PCDH11X: variants seen among roughly 807,000 people sequenced by gnomAD.
The protein encoded by PCDH11X is protocadherin 11 X-linked.
In PCDH11X, 18 loss-of-function variants were observed where a neutral mutation model predicts 53.3. The observed-to-expected ratio is 0.34, with a 90% CI of 0.23 to 0.50. The LOEUF (loss-of-function observed/expected upper bound fraction) is 0.50, where lower values mean the gene tolerates loss of function less well. Ranked by LOEUF, PCDH11X falls within the 20% of genes least tolerant of loss-of-function variation. The pLI is 0.98. For synonymous variants in PCDH11X, 279 were observed against 393.3 expected (o/e 0.71, Z 3.44); for missense variants, 570 against 1,032.4 (o/e 0.55, Z 6.14).
chrX:92,180,788 G>A (rs1320027660), intron 6 of PCDH11X, among the ~76,000 whole-genome samples: 1 of 111,558 alleles, frequency 9.0e-6, no homozygotes, highest in Non-Finnish European at 1.9e-5. Flanking sequence ...TGTAAGACAT[G>A]ACTTGCTTCT....
rs1327935781 is a variant in PCDH11X, at chrX:92,564,526, T to C, written c.3368-53738T>C. Among the ~76,000 whole-genome samples the C allele has an allele frequency of 2.8e-5, 3 of 106,451 alleles. No homozygotes were observed. The East Asian group carries it at 8.7e-4, about 31-fold the overall frequency. 92.4% of individuals were successfully genotyped at this position (106,451 alleles called of 115,157 possible). A position where few individuals can be genotyped will look rare whatever the true frequency, so the allele number is the denominator to read the frequency against. On this transcript the variant is annotated intron_variant, in intron 10 of 10. Transcript: ENST00000682573. Reference sequence around the variant, plus strand: ...AGAATATACACTGAGGAAAAGCCACTCTCTTCAAAAAATTGTGCTAGGAAA... The same window carrying C: ...AGAATATACACTGAGGAAAAGCCACCCTCTTCAAAAAATTGTGCTAGGAAA...
At chrX:92,176,803 G>T (rs1164436197) in intron 6 of PCDH11X, among the ~76,000 whole-genome samples, 2 of 111,013 alleles carry the variant, frequency 1.8e-5, no homozygotes, top group African/African-American at 6.5e-5. Context: ...CTCTACCTAG[G>T]TTTACAGCTT....
intron 6 of PCDH11X, among the ~76,000 whole-genome samples, chrX:91,932,511 C>T (rs980404976): frequency 1.1e-4 from 11 of 97,207 alleles, no homozygotes; most frequent in Non-Finnish European, 2.3e-4. Context: ...AAAGAGAGGC[C>T]GAGAGAGAGA....
intron 6 of PCDH11X, among the ~76,000 whole-genome samples, chrX:92,104,369 G>C (rs1232005749): frequency 9.0e-6 from 1 of 110,505 alleles, no homozygotes; most frequent in Non-Finnish European, 1.9e-5. Flanking sequence ...GGGGACAGGC[G>C]GGAGGGAAAG....
chrX:92,310,042 G>A (rs1374265647), intron 8 of PCDH11X, among the ~76,000 whole-genome samples: 1 of 111,946 alleles, frequency 8.9e-6, no homozygotes, highest in Non-Finnish European at 1.9e-5. Context: ...CATCGTTCTT[G>A]TTTTCTTACT....
At chrX:92,370,460 CT>C (rs576718286) in intron 8 of PCDH11X, among the ~76,000 whole-genome samples, 36 of 80,286 alleles carry the variant, frequency 4.5e-4, no homozygotes, top group African/African-American at 6.2e-4. Flanking sequence ...GTTCTTTTTT[CT>C]TTTTTTTTTT....
At position 92,211,733 on chromosome X, in the gene PCDH11X, T is replaced by C. The variant is rs193081108; in HGVS notation, c.3114+10278T>C. Among the ~76,000 whole-genome samples the C allele has an allele frequency of 1.8e-4, 20 of 111,966 alleles. No individual in the cohort carries two copies. The Admixed American group carries it at 1.8e-3, about 10-fold the overall frequency. On this transcript the variant is annotated intron_variant, in intron 7 of 10. Coordinates refer to ENST00000682573, the MANE Select transcript of PCDH11X (RefSeq NM_032968.5). ...TCATAAAATAAAATTATCTCTTACA[T>C]AATTCTTTCATATTCCAAATGGTCT...
intron 6 of PCDH11X, among the ~76,000 whole-genome samples, chrX:91,946,396 A>G (rs1267060001): frequency 9.5e-6 from 1 of 105,346 alleles, no homozygotes; most frequent in Non-Finnish European, 2.0e-5. Flanking sequence ...TAACATAGTT[A>G]TTGAACTGCA....
chrX:92,059,266 T>C (rs2063493482), intron 6 of PCDH11X, among the ~76,000 whole-genome samples: 2 of 110,632 alleles, frequency 1.8e-5, no homozygotes, highest in African/African-American at 6.6e-5. Context: ...ATAATAATGA[T>C]ACCAACTCAT....
At chrX:92,002,656 T>C (rs1474087943) in intron 6 of PCDH11X, among the ~76,000 whole-genome samples, 1 of 109,671 alleles carries the variant, frequency 9.1e-6, no homozygotes, top group Non-Finnish European at 1.9e-5. Context: ...TGTGTGGCTA[T>C]TGTAAATAGG....
intron 1 of PCDH11X, among the ~76,000 whole-genome samples, chrX:91,801,397 T>G (rs1385718466): frequency 1.8e-5 from 2 of 109,980 alleles, no homozygotes; most frequent in African/African-American, 3.3e-5. Flanking sequence ...ATATTGTGCC[T>G]GAATAATGGA....
At chrX:92,379,585 G>C (rs2070826793) in intron 8 of PCDH11X, among the ~76,000 whole-genome samples, 1 of 111,609 alleles carries the variant, frequency 9.0e-6, no homozygotes, top group Admixed American at 9.4e-5. Context: ...TCAGAAAAGG[G>C]CATGTCCCTG....
At chrX:92,261,987 T>A (rs2067726615) in intron 7 of PCDH11X, among the ~76,000 whole-genome samples, 1 of 111,534 alleles carries the variant, frequency 9.0e-6, no homozygotes, top group African/African-American at 3.3e-5. Context: ...ACACTCGAAG[T>A]GGAAGGACAA....
Position 92,003,161 on chromosome X carries a change from T to C in PCDH11X, c.3033+123888T>C, listed in dbSNP as rs1485499483. The stretch of plus-strand genomic sequence containing the variant: ...AATTGAAATGATCATACAGTTTTTA[T>C]CCTTCATTCTCTTGATATATCACAT... On this transcript the variant is annotated intron_variant, in intron 6 of 10. Coordinates refer to ENST00000682573, the MANE Select transcript of PCDH11X (RefSeq NM_032968.5). Among the ~76,000 whole-genome samples the C allele has an allele frequency of 4.8e-5, 5 of 103,886 alleles. No homozygotes were observed. In the Admixed American group the frequency reaches 5.4e-4, roughly 11 times the overall value. 90.2% of individuals were successfully genotyped at this position (103,886 alleles called of 115,157 possible).
intron 6 of PCDH11X, among the ~76,000 whole-genome samples, chrX:92,021,204 G>A (rs2062879120): frequency 8.9e-6 from 1 of 111,784 alleles, no homozygotes. Flanking sequence ...ACTGACAGAA[G>A]TATACTTCAG....
At chrX:92,264,880 A>ATTTTTTT (rs36145079) in intron 8 of PCDH11X, among the ~76,000 whole-genome samples, 4 of 87,769 alleles carry the variant, frequency 4.6e-5, no homozygotes, top group Non-Finnish European at 4.4e-5. Context: ...GTGAAGGACA[A>ATTTTTTT]TTTTTTTTTT....
chrX:92,524,654 C>A (rs2074420265), intron 10 of PCDH11X, among the ~76,000 whole-genome samples: 1 of 108,591 alleles, frequency 9.2e-6, no homozygotes, highest in African/African-American at 3.4e-5. Flanking sequence ...TTTCTAAGAC[C>A]AATTACTACT....
intron 8 of PCDH11X, among the ~76,000 whole-genome samples, chrX:92,313,076 C>A (rs1036363701): frequency 1.8e-5 from 2 of 111,764 alleles, no homozygotes; most frequent in African/African-American, 6.5e-5. Flanking sequence ...GTAACAGGAG[C>A]TTTTTCATTA....
rs921575583 is a variant in PCDH11X, at chrX:92,332,379, G to GGT, written c.3145-55344_3145-55343dup. On this transcript the variant is annotated intron_variant, in intron 8 of 10. Transcript: ENST00000682573. Reference sequence around the variant, plus strand: ...TTTCCCAAACTTTTACTTGTGTATAGGTGTGTGTGTGTGCATGCATGCACA... The same window carrying GGT: ...TTTCCCAAACTTTTACTTGTGTATAGGTGTGTGTGTGTGTGCATGCATGCACA... Among the ~76,000 whole-genome samples the GGT allele has an allele frequency of 5.5e-5, 6 of 108,356 alleles. No homozygotes were observed. In the South Asian group the frequency reaches 1.8e-3, roughly 33 times the overall value. The allele number at this position is 108,356 out of a possible 115,157, so 94.1% of individuals were successfully genotyped here.
Sources: gnomAD v4.1 joint callset for allele counts (sites outside exome capture counted in the v4.1 genomes callset) on GRCh38, gnomAD v4.1.1 for gene constraint, MANE v1.5 for transcripts, NCBI Gene and HGNC (gene_info 2026-07-23, HGNC 2026-07-21) for gene names.